Variants in HERC1 observed in about 807,000 individuals in gnomAD.
HERC1 encodes the protein probable E3 ubiquitin-protein ligase HERC1.
Under a neutral mutation model 554.3 loss-of-function variants are expected in HERC1, and 160 were observed. That is an observed-to-expected ratio of 0.29 (90% CI 0.25 to 0.33). HERC1 has a LOEUF of 0.33. Among genes scored for constraint, HERC1 ranks in the 10% least tolerant of loss-of-function variants. The pLI, the probability that HERC1 is intolerant of heterozygous loss-of-function variation, is 1.00. For missense variants in HERC1, 4,919 were observed against 5,918.5 expected (o/e 0.83, Z 5.54); for synonymous variants, 2,175 against 2,131.7 (o/e 1.02, Z -0.56).
At chr15:63,822,241 T>C (rs527602706) in intron 1 of HERC1, among the ~76,000 whole-genome samples, 2 of 152,374 alleles carry the variant, frequency 1.3e-5, no homozygotes, top group South Asian at 4.1e-4. Flanking sequence ...TGTAGGACTT[T>C]GCAGGTCATG....
At position 63,758,135 on chromosome 15, in the gene HERC1, C is replaced by A; in HGVS notation, c.1221+40G>T. On this transcript the variant is annotated intron_variant, in intron 4 of 77. Coordinates refer to ENST00000443617, the MANE Select transcript of HERC1 (RefSeq NM_003922.4). The surrounding 1 kb of genome is among the most constrained non-coding windows in gnomAD (Gnocchi z 4.0). Reference sequence around the variant, plus strand: ...AATGCAAATAAGCATGAATATACACCAGATTATCTACCAGTTTGTAAGCTA... The same window carrying A: ...AATGCAAATAAGCATGAATATACACAAGATTATCTACCAGTTTGTAAGCTA... 1.4e-6 allele frequency: 2 copies of A among 1,416,578 alleles called. No homozygotes were observed. Among genetic ancestry groups the A allele is most frequent in the Non-Finnish European group, 2.0e-6 (2 of 1,015,064 alleles). The allele number at this position is 1,416,578 out of a possible 1,614,324, so 87.8% of individuals were successfully genotyped here.
intron 1 of HERC1, among the ~76,000 whole-genome samples, chr15:63,821,814 T>C (rs1416024616): frequency 6.6e-6 from 1 of 152,010 alleles, no homozygotes; most frequent in Non-Finnish European, 1.5e-5. Flanking sequence ...GTACTCCTAG[T>C]TTACCACATG....
At chr15:63,726,013 G>A (rs572177492) in intron 17 of HERC1, among the ~76,000 whole-genome samples, 1 of 152,138 alleles carries the variant, frequency 6.6e-6, no homozygotes, top group Non-Finnish European at 1.5e-5. Flanking sequence ...ACAGAGTCTC[G>A]TTCTGTCACT....
chr15:63,729,905 A>T (rs1468686836), intron 14 of HERC1, among the ~76,000 whole-genome samples: 1 of 151,494 alleles, frequency 6.6e-6, no homozygotes, highest in South Asian at 2.1e-4. Context: ...GGTGCCTGTA[A>T]TCCCAGCTAC....
In HERC1 at chr15:63,640,422, T is replaced by C. The variant is rs982888589; in HGVS notation, c.11631A>G (p.Gln3877=). ...ATTGCATATAGGGGCTATGAACAAG[T>C]TGGTCACCACAAACCACATGAGGCT... The part of the protein sequence containing the change: ...YEKPHVVCGD[Q]LVHSPYMQCL... Residue 3877 remains glutamine (Q), a synonymous_variant, in exon 61 of 78, where the codon CAA becomes CAG. Transcript: ENST00000443617. The C allele has an allele frequency of 2.2e-5, 35 of 1,613,472 alleles. No homozygotes were observed. Among genetic ancestry groups the C allele is most frequent in the African/African-American group, 1.3e-4 (10 of 74,898 alleles).
rs140178900 is a variant in HERC1, at chr15:63,660,260, C to A, written c.9224-324G>T. The stretch of plus-strand genomic sequence containing the variant: ...GCTTGAACCTGGGAGGCCGTGGCTG[C>A]AGTAAGCTGAGATCACGCCACAGCA... On this transcript the variant is annotated intron_variant, in intron 46 of 77. Coordinates refer to ENST00000443617, the MANE Select transcript of HERC1 (RefSeq NM_003922.4). 5.0e-3 allele frequency among the ~76,000 whole-genome samples: 754 copies of A among 152,242 alleles called. 7 individuals are homozygous for A. The highest frequency in any genetic ancestry group is 0.017 in the African/African-American group (722 of 41,538).
chr15:63,647,940 A>G, intron 55 of HERC1, 129 bp downstream of exon 55: 1 of 719,480 alleles, frequency 1.4e-6, no homozygotes, highest in Non-Finnish European at 2.3e-6. Flanking sequence ...AGATTACTTG[A>G]TGGGTACAAT....
chr15:63,618,618 A>T (rs1019894703), intron 74 of HERC1, among the ~76,000 whole-genome samples: 1 of 152,090 alleles, frequency 6.6e-6, no homozygotes, highest in Non-Finnish European at 1.5e-5. Context: ...CACGATATTG[A>T]TTCTTCCTAC....
chr15:63,781,257 T>G (rs2076281703), intron 1 of HERC1, among the ~76,000 whole-genome samples: 1 of 152,200 alleles, frequency 6.6e-6, no homozygotes, highest in South Asian at 2.1e-4. Flanking sequence ...CCTCATTTAT[T>G]GCACTTGACT....
chr15:63,779,067 T>G (rs186159885), intron 1 of HERC1, among the ~76,000 whole-genome samples: 2 of 151,220 alleles, frequency 1.3e-5, no homozygotes, highest in Non-Finnish European at 2.9e-5. Flanking sequence ...CAAGGAAGAG[T>G]AGACTCAATG....
At chr15:63,704,442 AAACTT>A (rs1269979983) in intron 25 of HERC1, among the ~76,000 whole-genome samples, 2 of 152,218 alleles carry the variant, frequency 1.3e-5, no homozygotes, top group Non-Finnish European at 2.9e-5. Flanking sequence ...TATTACTTAT[AAACTT>A]AACTAATATA....
chr15:63,608,836 T>A lies in HERC1; in HGVS notation c.*245A>T, dbSNP rs916441080. The A allele has an allele frequency of 4.2e-5, 15 of 357,166 alleles. No individual in the cohort carries two copies. The highest frequency in any genetic ancestry group is 6.6e-5 in the Non-Finnish European group (13 of 197,894). 22.1% of individuals were successfully genotyped at this position (357,166 alleles called of 1,614,324 possible). ...TGGTTTCATGCAAACTTATCAAAAG[T>A]GACCAAAAATATGGAGGGAAAAACC... On this transcript the variant is annotated 3_prime_UTR_variant, in exon 78 of 78. Coordinates refer to ENST00000443617, the MANE Select transcript of HERC1 (RefSeq NM_003922.4).
In HERC1 at chr15:63,694,222, A is replaced by G; in HGVS notation, c.5481-65T>C. On this transcript the variant is annotated intron_variant, in intron 29 of 77. Coordinates refer to ENST00000443617, the MANE Select transcript of HERC1 (RefSeq NM_003922.4). The surrounding 1 kb of genome is among the most constrained non-coding windows in gnomAD (Gnocchi z 4.3). ...AGAAGGGCAAGCATAGTGCTTAAATACATAAAGCAGATTAGAGGGAAAGGG... is the reference window on the plus strand; with the variant it reads ...AGAAGGGCAAGCATAGTGCTTAAATGCATAAAGCAGATTAGAGGGAAAGGG... The G allele has an allele frequency of 6.4e-7, 1 of 1,563,506 alleles. No homozygotes were observed. The highest frequency in any genetic ancestry group is 1.2e-5 in the South Asian group (1 of 85,670).
At position 63,694,447 on chromosome 15, in the gene HERC1, A is replaced by G; in HGVS notation, c.5345T>C (p.Leu1782Ser). The G allele has an allele frequency of 6.2e-7, 1 of 1,614,026 alleles. No homozygotes were observed. The highest frequency in any genetic ancestry group is 8.5e-7 in the Non-Finnish European group (1 of 1,179,880). ...GGTGTCTGTACCACACAACTGTGACAATACGTTTAGCAGACCAGTGGAAAT... is the reference window on the plus strand; with the variant it reads ...GGTGTCTGTACCACACAACTGTGACGATACGTTTAGCAGACCAGTGGAAAT... Reference protein sequence around the residue: ...LAISTGLLNVLSQLCGTDTML... With the variant: ...LAISTGLLNVSSQLCGTDTML... Residue 1782 changes from leucine to serine, a missense_variant, in exon 29 of 78, where the codon TTG becomes TCG. This residue lies in a region of HERC1 where 1,121 missense variants were observed against 1,244.0 expected (regional missense o/e 0.90). Coordinates refer to ENST00000443617, the MANE Select transcript of HERC1 (RefSeq NM_003922.4). The surrounding 1 kb of genome is among the most constrained non-coding windows in gnomAD (Gnocchi z 4.3).
At chr15:63,662,096 T>C in intron 44 of HERC1, 75 bp from the exon 45 acceptor site, 2 of 1,371,524 alleles carry the variant, frequency 1.5e-6, no homozygotes, top group African/African-American at 1.5e-5. Flanking sequence ...AGATTATTTA[T>C]ATTAAATTAC....
rs775338409 is a variant in HERC1, at chr15:63,674,591, G to C, written c.7597C>G (p.Leu2533Val). The part of the protein sequence containing the change: ...LGCSKYAELL[L>V]IPKVLAENGH... The stretch of plus-strand genomic sequence containing the variant: ...TTTTCAGCCAGAACTTTTGGTATCA[G>C]CAACAGCTCAGCATATTTACTACAG... Residue 2533 changes from leucine (L) to valine (V), a missense_variant, in exon 38 of 78, where the codon CTG becomes GTG. By Grantham distance (32) the Leu-to-Val change is conservative (BLOSUM62 1). This residue lies in a region of HERC1 where 1,963 missense variants were observed against 2,228.6 expected (regional missense o/e 0.88). Coordinates refer to ENST00000443617, the MANE Select transcript of HERC1 (RefSeq NM_003922.4). 2 of 1,612,496 alleles carry C rather than the reference G, an allele frequency of 1.2e-6. No homozygotes were observed. The highest frequency in any genetic ancestry group is 4.5e-5 in the East Asian group (2 of 44,808).
At chr15:63,747,593 A>C in intron 11 of HERC1, 131 bp downstream of exon 11, 1 of 495,736 alleles carries the variant, frequency 2.0e-6, no homozygotes, top group African/African-American at 2.0e-5. Flanking sequence ...GATTATAAAA[A>C]AGTTTCATAT....
chr15:63,731,870 A>T (rs1403569855), intron 14 of HERC1, among the ~76,000 whole-genome samples: 4 of 152,204 alleles, frequency 2.6e-5, no homozygotes, highest in Non-Finnish European at 5.9e-5. Flanking sequence ...TTCCTAGAAT[A>T]GTCAAGTCTT....
rs767484751 is a variant in HERC1 at position 63,661,962 on chromosome 15, G to A, written c.8961C>T (p.Ser2987=). Residue 2987 remains serine (S), a synonymous_variant, in exon 45 of 78, where the codon AGC becomes AGT. Transcript: ENST00000443617. ...EVVVCELCEC[S]VVSFNQHMKR... is the part of the protein sequence containing the mutation. ...TCATGTGCTGATTGAAGCTGACGAC[G>A]CTGCATTCACACAGTTCACACACCA... The A allele has an allele frequency of 4.3e-6, 7 of 1,613,892 alleles. No individual in the cohort carries two copies. The highest frequency in any genetic ancestry group is 2.2e-5 in the East Asian group (1 of 44,878).
Sources: gnomAD v4.1 joint callset for allele counts (sites outside exome capture counted in the v4.1 genomes callset) on GRCh38, gnomAD v4.1.1 for gene constraint, gnomAD v4.1.1 regional missense constraint, Gnocchi (gnomAD v3.1) non-coding constraint, MANE v1.5 for transcripts, NCBI Gene and HGNC (gene_info 2026-07-23, HGNC 2026-07-21) for gene names.